The following SCAPER variants were observed in gnomAD, a reference collection of about 807,000 sequenced individuals.
The protein encoded by SCAPER is S phase cyclin A-associated protein in the endoplasmic reticulum.
A neutral mutation model predicts 182.2 loss-of-function variants in SCAPER; 98 were observed. That is an observed-to-expected ratio of 0.54 (90% CI 0.46 to 0.64). SCAPER has a LOEUF of 0.64. Among genes scored for constraint, SCAPER ranks in the 30% least tolerant of loss-of-function variants. SCAPER has a pLI of 0.00. For synonymous variants in SCAPER, 605 were observed against 564.6 expected, an observed-to-expected ratio of 1.07 and a Z score of -1.01; for missense variants, 1,432 against 1,690.0, an observed-to-expected ratio of 0.85 and a Z score of 2.68.
intron 11 of SCAPER, among the ~76,000 whole-genome samples, chr15:76,766,080 C>CGTTT (rs1555581789): frequency 3.8e-4 from 57 of 148,490 alleles, no homozygotes; most frequent in Admixed American, 6.7e-4. Flanking sequence ...ATCATTTGCT[C>CGTTT]ATTTATTTAT....
chr15:76,761,179 TTC>T (rs1197248453), intron 14 of SCAPER, among the ~76,000 whole-genome samples: 1 of 152,186 alleles, frequency 6.6e-6, no homozygotes, highest in Non-Finnish European at 1.5e-5. Flanking sequence ...TCCTTTTTGT[TTC>T]TCTGTTATCC....
chr15:76,898,353 G>C (rs2074549114), intron 1 of SCAPER, among the ~76,000 whole-genome samples: 1 of 152,142 alleles, frequency 6.6e-6, no homozygotes, highest in African/African-American at 2.4e-5. Context: ...TCCTCAAAAA[G>C]TAAAAGATAA....
In SCAPER at chr15:76,774,957, T is replaced by C; in HGVS notation, c.933A>G (p.Ile311Met). The C allele has an allele frequency of 6.2e-7, 1 of 1,613,848 alleles. No individual in the cohort carries two copies. The highest frequency in any genetic ancestry group is 8.5e-7 in the Non-Finnish European group (1 of 1,179,778). ...ENVCLLPDES[I>M]QKGQFVGDGT... ...CATCTCCAACAAATTGACCTTTCTG[T>C]ATGCTTTCATCAGGTAAAAGACATA... is the stretch of plus-strand genomic sequence containing the variant. The change falls in exon 9 of 32, where the codon ATA becomes ATG. Residue 311 changes from isoleucine to methionine, a missense_variant. Physicochemically the swap from Ile to Met is conservative, Grantham distance 10. Around this residue, in one of 5 missense-constraint regions of SCAPER, gnomAD observed 480 missense variants for 510.2 expected, o/e 0.94. Coordinates refer to ENST00000563290, the MANE Select transcript of SCAPER (RefSeq NM_020843.4).
intron 22 of SCAPER, among the ~76,000 whole-genome samples, chr15:76,583,221 C>T (rs1313325524): frequency 6.6e-6 from 1 of 151,962 alleles, no homozygotes; most frequent in African/African-American, 2.4e-5. Context: ...CATGGTGGCA[C>T]ATGCCTCTAG....
At chr15:76,770,532 G>A (rs931123551) in intron 10 of SCAPER, among the ~76,000 whole-genome samples, 1 of 151,948 alleles carries the variant, frequency 6.6e-6, no homozygotes, top group Non-Finnish European at 1.5e-5. Flanking sequence ...CCACATTAAA[G>A]CAGAATTTAT....
At chr15:76,859,200 G>A (rs958019201) in intron 3 of SCAPER, among the ~76,000 whole-genome samples, 1 of 152,134 alleles carries the variant, frequency 6.6e-6, no homozygotes, top group Non-Finnish European at 1.5e-5. Context: ...GTAATTTTGG[G>A]GCCAGGTCCC....
intron 23 of SCAPER, 65 bp downstream of exon 23, chr15:76,574,093 T>G: frequency 6.6e-7 from 1 of 1,519,656 alleles, no homozygotes; most frequent in Non-Finnish European, 8.9e-7. Context: ...TATAGCTCTA[T>G]GTACTGTCAT....
intron 3 of SCAPER, among the ~76,000 whole-genome samples, chr15:76,860,316 A>C (rs946858975): frequency 2.0e-5 from 3 of 152,182 alleles, no homozygotes; most frequent in African/African-American, 7.2e-5. Flanking sequence ...AAAGAAATGA[A>C]GTAATAGCTC....
intron 8 of SCAPER, among the ~76,000 whole-genome samples, chr15:76,780,029 T>C (rs2064008818): frequency 6.6e-6 from 1 of 152,136 alleles, no homozygotes. Flanking sequence ...TGTGACTGGT[T>C]GGACAGGAGG....
chr15:76,483,538 G>C (rs893560365), intron 24 of SCAPER, among the ~76,000 whole-genome samples: 3 of 152,048 alleles, frequency 2.0e-5, no homozygotes, highest in African/African-American at 7.2e-5. Context: ...TCTGTGAAAA[G>C]CACTGTTAAG....
At chr15:76,467,879 C>A (rs1459827252) in intron 25 of SCAPER, among the ~76,000 whole-genome samples, 15 of 152,082 alleles carry the variant, frequency 9.9e-5, no homozygotes, top group Admixed American at 9.8e-4. Context: ...AAAACAAACT[C>A]CAAGTGGCTA....
intron 15 of SCAPER, among the ~76,000 whole-genome samples, chr15:76,733,897 G>C: frequency 6.6e-6 from 1 of 152,048 alleles, no homozygotes; most frequent in East Asian, 1.9e-4. Flanking sequence ...TAATAATCCA[G>C]TGTGTATAAA....
chr15:76,414,530 C>T (rs1014933273), intron 26 of SCAPER, among the ~76,000 whole-genome samples: 4 of 151,200 alleles, frequency 2.6e-5, no homozygotes, highest in Admixed American at 1.3e-4. Context: ...TTATAAGAAA[C>T]GATGGAAGCC....
At position 76,725,377 on chromosome 15, in the gene SCAPER, C is replaced by T. The variant is rs181006555; in HGVS notation, c.2165+3218G>A. ...GCCATATTGGCTGCCTCATCCTTTA[C>T]AAGCAGCCCACCCTGAATTCTCTCT... On this transcript the variant is annotated intron_variant, in intron 17 of 31. Transcript: ENST00000563290. Among the ~76,000 whole-genome samples, 112 of 150,964 alleles carry T rather than the reference C, an allele frequency of 7.4e-4. 1 individual carries two copies. Among genetic ancestry groups the T allele is most frequent in the Admixed American group, 7.1e-3 (107 of 15,044 alleles).
intron 20 of SCAPER, among the ~76,000 whole-genome samples, chr15:76,676,332 G>A (rs951938410): frequency 6.6e-6 from 1 of 152,096 alleles, no homozygotes; most frequent in Admixed American, 6.5e-5. Flanking sequence ...TTCAAATGCT[G>A]TTCGCTTCAA....
chr15:76,501,661 G>A (rs2041132298), intron 24 of SCAPER, among the ~76,000 whole-genome samples: 1 of 152,154 alleles, frequency 6.6e-6, no homozygotes, highest in African/African-American at 2.4e-5. Flanking sequence ...TTCTAAACTA[G>A]CCTCCTTAGG....
intron 25 of SCAPER, among the ~76,000 whole-genome samples, chr15:76,449,335 A>G (rs1251379147): frequency 1.3e-5 from 2 of 152,202 alleles, no homozygotes; most frequent in African/African-American, 4.8e-5. Context: ...AATTTTAAAC[A>G]TGTACTCTAC....
chr15:76,737,302 T>C (rs986163953), intron 15 of SCAPER, among the ~76,000 whole-genome samples: 1 of 152,254 alleles, frequency 6.6e-6, no homozygotes, highest in Non-Finnish European at 1.5e-5. Flanking sequence ...GAAAACACTA[T>C]TCATCTCCTT....
intron 23 of SCAPER, among the ~76,000 whole-genome samples, chr15:76,507,552 A>G (rs761177300): frequency 1.3e-5 from 2 of 152,176 alleles, no homozygotes. Context: ...AGATATTAGT[A>G]TATATAAGCT....
Sources: gnomAD v4.1 joint callset for allele counts (sites outside exome capture counted in the v4.1 genomes callset) on GRCh38, gnomAD v4.1.1 for gene constraint, gnomAD v4.1.1 regional missense constraint, MANE v1.5 for transcripts, NCBI Gene and HGNC (gene_info 2026-07-23, HGNC 2026-07-21) for gene names.